The following TOX3 variants were observed in gnomAD, a reference collection of about 807,000 sequenced individuals.
The protein encoded by TOX3 is TOX high mobility group box family member 3, also known as CAG trinucleotide repeat-containing gene F9 protein.
A neutral mutation model predicts 64.3 loss-of-function variants in TOX3; 22 were observed. The ratio of observed to expected loss-of-function variants is 0.34; its 90% CI spans 0.24 to 0.49. The LOEUF is 0.49. Ranked by LOEUF, TOX3 falls within the 20% of genes least tolerant of loss-of-function variation. The pLI is 0.99. For synonymous variants in TOX3, 291 were observed against 273.6 expected (o/e 1.06, Z -0.63); for missense variants, 661 against 714.4 (o/e 0.93, Z 0.85).
At chr16:52,525,074 A>G (rs1443833786) in intron 1 of TOX3, among the ~76,000 whole-genome samples, 1 of 152,236 alleles carries the variant, frequency 6.6e-6, no homozygotes, top group African/African-American at 2.4e-5. Context: ...TTTAAAAAAT[A>G]AATTTGCAGG....
chr16:52,505,779 C>A (rs1274788597), intron 1 of TOX3, among the ~76,000 whole-genome samples: 1 of 152,152 alleles, frequency 6.6e-6, no homozygotes, highest in Non-Finnish European at 1.5e-5. Context: ...CAGTTCAAGA[C>A]CAGCCTGGGC....
intron 3 of TOX3, among the ~76,000 whole-genome samples, chr16:52,451,911 C>T (rs971605687): frequency 1.3e-5 from 2 of 152,108 alleles, no homozygotes; most frequent in African/African-American, 4.8e-5. Context: ...ATTGTAAGGG[C>T]TTGTCCTGCA....
chr16:52,452,140 G>A (rs1226787148), intron 3 of TOX3, among the ~76,000 whole-genome samples: 1 of 152,088 alleles, frequency 6.6e-6, no homozygotes, highest in East Asian at 1.9e-4. Context: ...ATACAGGACA[G>A]CCTTGTTTTC....
At chr16:52,507,007 G>T (rs1962178162) in intron 1 of TOX3, among the ~76,000 whole-genome samples, 1 of 152,178 alleles carries the variant, frequency 6.6e-6, no homozygotes, top group Non-Finnish European at 1.5e-5. Flanking sequence ...CAACAAAACA[G>T]TGATGGACTC....
At chr16:52,507,594 C>T (rs1343677302) in intron 1 of TOX3, among the ~76,000 whole-genome samples, 1 of 152,176 alleles carries the variant, frequency 6.6e-6, no homozygotes, top group East Asian at 1.9e-4. Context: ...TGTATGCACA[C>T]AGCTTGGTAA....
chr16:52,476,589 G>T (rs1252634893), intron 1 of TOX3, among the ~76,000 whole-genome samples: 3 of 151,824 alleles, frequency 2.0e-5, no homozygotes, highest in Admixed American at 6.6e-5. Context: ...GGAAGAGAAG[G>T]CCTCTGATCT....
chr16:52,526,742 C>A (rs960363776), intron 1 of TOX3, among the ~76,000 whole-genome samples: 13 of 152,276 alleles, frequency 8.5e-5, no homozygotes, highest in South Asian at 8.3e-4. Context: ...AGGCTCTAAC[C>A]AGGTAGTCTT....
chr16:52,515,970 T>C (rs1962444140), intron 1 of TOX3, among the ~76,000 whole-genome samples: 1 of 150,442 alleles, frequency 6.6e-6, no homozygotes, highest in African/African-American at 2.4e-5. Context: ...TGTGTGCTTG[T>C]GTGTGTGTGT....
At chr16:52,497,022 C>T (rs1253566884) in intron 1 of TOX3, among the ~76,000 whole-genome samples, 2 of 152,048 alleles carry the variant, frequency 1.3e-5, no homozygotes, top group Non-Finnish European at 2.9e-5. Context: ...AAATTAGGTT[C>T]CCCAATTCAA....
At chr16:52,511,931 A>T (rs1382226583) in intron 1 of TOX3, among the ~76,000 whole-genome samples, 1 of 152,136 alleles carries the variant, frequency 6.6e-6, no homozygotes, top group African/African-American at 2.4e-5. Context: ...CACATTCAGA[A>T]CTCCTGAGGG....
At chr16:52,460,111 G>A (rs758434257) in intron 3 of TOX3, among the ~76,000 whole-genome samples, 1 of 151,818 alleles carries the variant, frequency 6.6e-6, no homozygotes, top group African/African-American at 2.4e-5. Flanking sequence ...TAACAGGTAC[G>A]AATACTACCA....
At chr16:52,537,878 TAAA>T (rs57403617) in intron 1 of TOX3, among the ~76,000 whole-genome samples, 11,815 of 111,572 alleles carry the variant, frequency 0.11, 844 homozygotes, top group African/African-American at 0.31. Context: ...GCTGATATGA[TAAA>T]AAAAAAAAAA....
chr16:52,539,678 C>A (rs182870505), intron 1 of TOX3, among the ~76,000 whole-genome samples: 3 of 152,296 alleles, frequency 2.0e-5, no homozygotes, highest in Non-Finnish European at 2.9e-5. Flanking sequence ...GGTTGTTCAG[C>A]CCCAAACTCT....
chr16:52,515,090 T>C (rs1399669770), intron 1 of TOX3, among the ~76,000 whole-genome samples: 1 of 150,830 alleles, frequency 6.6e-6, no homozygotes, highest in Non-Finnish European at 1.5e-5. Flanking sequence ...TCTGTCTTGT[T>C]TTGTCACATT....
In TOX3 at chr16:52,490,740, C is replaced by T. The variant is rs572128141; in HGVS notation, c.88-22166G>A. ...AGCTTCCTGGACTCAACCAATCCTCCCACCTCAGCCTCCTGAGTAGCTGGG... is the reference window on the plus strand; with the variant it reads ...AGCTTCCTGGACTCAACCAATCCTCTCACCTCAGCCTCCTGAGTAGCTGGG... On this transcript the variant is annotated intron_variant, in intron 1 of 6. Transcript: ENST00000219746. 1.1e-4 allele frequency among the ~76,000 whole-genome samples: 16 copies of T among 150,132 alleles called. No homozygotes were observed. In the East Asian group the frequency reaches 3.2e-3, roughly 30 times the overall value.
chr16:52,452,723 A>G (rs1960390292), intron 3 of TOX3, among the ~76,000 whole-genome samples: 1 of 152,220 alleles, frequency 6.6e-6, no homozygotes, highest in Non-Finnish European at 1.5e-5. Flanking sequence ...AACAAAAACT[A>G]AAACACTTTA....
chr16:52,516,540 T>G (rs1962462792), intron 1 of TOX3, among the ~76,000 whole-genome samples: 1 of 152,290 alleles, frequency 6.6e-6, no homozygotes, highest in African/African-American at 2.4e-5. Context: ...TTGCTCAAAC[T>G]CCAGATTTCT....
intron 1 of TOX3, among the ~76,000 whole-genome samples, chr16:52,529,358 TA>T (rs1203134296): frequency 1.3e-5 from 2 of 152,188 alleles, no homozygotes; most frequent in African/African-American, 4.8e-5. Context: ...TAGTAGGCTT[TA>T]TTTTTTTTTA....
In TOX3 at chr16:52,541,219, T is replaced by A. The variant is rs551023195; in HGVS notation, c.87+5418A>T. ...TGAGAAACACTGCCCTACAAAATGA[T>A]CACAAATTATTTTTTACCATCTCAG... On this transcript the variant is annotated intron_variant, in intron 1 of 6. Coordinates refer to ENST00000219746, the MANE Select transcript of TOX3 (RefSeq NM_001080430.4). Among the ~76,000 whole-genome samples, 8 of 152,214 alleles carry A rather than the reference T, an allele frequency of 5.3e-5. No individual in the cohort carries two copies. The South Asian group carries it at 1.7e-3, about 32-fold the overall frequency.
Sources: allele counts gnomAD v4.1 joint callset (sites outside exome capture counted in the v4.1 genomes callset), GRCh38; gene constraint gnomAD v4.1.1; transcripts MANE v1.5; gene names NCBI Gene and HGNC (gene_info 2026-07-23, HGNC 2026-07-21).